The following SAXO1 variants were observed in gnomAD, a reference collection of about 807,000 sequenced individuals.
The protein encoded by SAXO1 is stabilizer of axonemal microtubules 1.
Under a neutral mutation model 17.5 loss-of-function variants are expected in SAXO1, and 21 were observed. That is an observed-to-expected ratio of 1.20 (90% CI 0.85 to 1.72). SAXO1 has a LOEUF of 1.72. Ranked by LOEUF, SAXO1 falls within the 40% of genes most tolerant of loss-of-function variation. SAXO1 has a pLI of 0.00. For synonymous variants in SAXO1, 274 were observed against 216.5 expected (o/e 1.27, Z -2.33); for missense variants, 843 against 596.0 (o/e 1.41, Z -4.32).
chr9:19,028,154 G>A (rs1000919262), intron 1 of SAXO1: 64 of 1,515,414 alleles, frequency 4.2e-5, no homozygotes, highest in African/African-American at 1.1e-4. Flanking sequence ...GGCCAGCCCC[G>A]GACTCGCGGC....
chr9:18,961,053 T>G (rs1284331209), intron 1 of SAXO1, among the ~76,000 whole-genome samples: 3 of 152,184 alleles, frequency 2.0e-5, no homozygotes, highest in Admixed American at 6.5e-5. Context: ...GTTCATTAAA[T>G]GCTAAGTTTC....
intron 2 of SAXO1, among the ~76,000 whole-genome samples, chr9:18,946,685 G>C (rs965564629): frequency 1.3e-5 from 2 of 151,854 alleles, no homozygotes; most frequent in Non-Finnish European, 2.9e-5. Context: ...ACTCCAAGCA[G>C]ACCAGACATT....
rs894175909 is a variant in SAXO1 at position 18,991,423 on chromosome 9, G to T, written c.39-40486C>A. ...GAGTTCATGTCCTTTGCAGGGACAT[G>T]GATGAAGCTGGAAACCATCATTCTG... On this transcript the variant is annotated intron_variant, in intron 1 of 3. Coordinates refer to ENST00000380534, the MANE Select transcript of SAXO1 (RefSeq NM_153707.4). Among the ~76,000 whole-genome samples, 4 of 152,272 alleles carry T rather than the reference G, an allele frequency of 2.6e-5. No individual in the cohort carries two copies. In the South Asian group the frequency reaches 6.2e-4, roughly 24 times the overall value.
intron 1 of SAXO1, among the ~76,000 whole-genome samples, chr9:18,968,948 T>C (rs1233966360): frequency 1.3e-5 from 2 of 152,110 alleles, no homozygotes; most frequent in African/African-American, 4.8e-5. Context: ...GTAAAAAACA[T>C]GGCTGGCTGG....
Position 18,962,296 on chromosome 9 carries a change from G to A in SAXO1, c.39-11359C>T, listed in dbSNP as rs568602422. 8.5e-5 allele frequency among the ~76,000 whole-genome samples: 13 copies of A among 152,200 alleles called. No individual in the cohort carries two copies. In the East Asian group the frequency reaches 9.7e-4, roughly 11 times the overall value. ...TTGATCAGGCTAGTCTTGAACTCCC[G>A]AACTCAGATGATCTGCCCGCCTTGG... On this transcript the variant is annotated intron_variant, in intron 1 of 3. Coordinates refer to ENST00000380534, the MANE Select transcript of SAXO1 (RefSeq NM_153707.4).
At chr9:19,007,947 A>C (rs1264098369) in intron 1 of SAXO1, among the ~76,000 whole-genome samples, 1 of 151,724 alleles carries the variant, frequency 6.6e-6, no homozygotes, top group Non-Finnish European at 1.5e-5. Flanking sequence ...TACAGTCTGC[A>C]AGTCCTCAAA....
upstream of SAXO1, among the ~76,000 whole-genome samples, chr9:19,035,626 G>A (rs1205165628): frequency 6.6e-6 from 1 of 152,208 alleles, no homozygotes; most frequent in Non-Finnish European, 1.5e-5. Context: ...AGAAAATTTG[G>A]AACTTCCTAG....
At chr9:18,949,723 C>T (rs1831950862) in intron 2 of SAXO1, among the ~76,000 whole-genome samples, 1 of 152,154 alleles carries the variant, frequency 6.6e-6, no homozygotes, top group Non-Finnish European at 1.5e-5. Context: ...AACCTGAAGG[C>T]AGAATGAATT....
At chr9:19,024,499 C>T (rs1029303309) in intron 1 of SAXO1, among the ~76,000 whole-genome samples, 1 of 151,864 alleles carries the variant, frequency 6.6e-6, no homozygotes, top group African/African-American at 2.4e-5. Context: ...TGCTAAATGA[C>T]GAGTTAATGG....
In SAXO1 at chr9:18,950,826, T is replaced by G; in HGVS notation, c.150A>C (p.Arg50Ser). 6.2e-7 allele frequency: 1 copy of G among 1,613,860 alleles called. No homozygotes were observed. Among genetic ancestry groups the G allele is most frequent in the Non-Finnish European group, 8.5e-7 (1 of 1,179,776 alleles). Residue 50 changes from arginine (R) to serine (S), a missense_variant, in exon 2 of 4, where the codon AGA becomes AGC. Coordinates refer to ENST00000380534, the MANE Select transcript of SAXO1 (RefSeq NM_153707.4). ...NYPFYHSYLPRESFKPRREYQ... is the reference protein window; with the variant it reads ...NYPFYHSYLPSESFKPRREYQ... ...ACTCCCGCCTTGGCTTGAAGGACTC[T>G]CTGGGCAGGTAGGAGTGATAGAAAG...
chr9:18,991,648 T>C (rs1833819168), intron 1 of SAXO1, among the ~76,000 whole-genome samples: 1 of 152,158 alleles, frequency 6.6e-6, no homozygotes, highest in Admixed American at 6.5e-5. Context: ...CAAACCAACA[T>C]GGCACATGTA....
rs117380884 is a variant in SAXO1 at position 19,044,202 on chromosome 9, C to T, written c.-158+5007G>A. Reference sequence around the variant, plus strand: ...ATAAATGCTTGAGGGGATGCATACCCCATTTACCATGATGTGATTATTATG... The same window carrying T: ...ATAAATGCTTGAGGGGATGCATACCTCATTTACCATGATGTGATTATTATG... On this transcript the variant is annotated intron_variant, in intron 1 of 3. Coordinates refer to the SAXO1 transcript ENST00000542071. 2.7e-3 allele frequency among the ~76,000 whole-genome samples: 407 copies of T among 152,098 alleles called. 1 individual carries two copies. The highest frequency in any genetic ancestry group is 4.9e-3 in the Non-Finnish European group (331 of 67,988).
chr9:19,015,262 C>A (rs1174296326), intron 1 of SAXO1, among the ~76,000 whole-genome samples: 4 of 152,214 alleles, frequency 2.6e-5, no homozygotes, highest in African/African-American at 9.6e-5. Flanking sequence ...AGCTCCTGGG[C>A]TCCAGCAATC....
chr9:18,949,912 G>A (rs1314051260), intron 2 of SAXO1, among the ~76,000 whole-genome samples: 1 of 152,218 alleles, frequency 6.6e-6, no homozygotes, highest in Non-Finnish European at 1.5e-5. Flanking sequence ...CTTTAGGGAT[G>A]AGGAACCGGG....
At chr9:19,039,975 C>T (rs962189449) in intron 1 of SAXO1, among the ~76,000 whole-genome samples, 4 of 152,146 alleles carry the variant, frequency 2.6e-5, no homozygotes, top group Non-Finnish European at 2.9e-5. Flanking sequence ...GTGATCTGCC[C>T]GCCTCGGCCT....
chr9:18,989,112 T>C (rs1833704312), intron 1 of SAXO1, among the ~76,000 whole-genome samples: 1 of 152,186 alleles, frequency 6.6e-6, no homozygotes, highest in Non-Finnish European at 1.5e-5. Context: ...ATCACTCCTA[T>C]CATCTATCAT....
chr9:19,018,506 T>A (rs1432906624), intron 1 of SAXO1, among the ~76,000 whole-genome samples: 3 of 152,174 alleles, frequency 2.0e-5, no homozygotes, highest in Admixed American at 6.5e-5. Context: ...ATGGAACGTG[T>A]TTCAAAAGTC....
chr9:18,963,303 A>C (rs944924401), intron 1 of SAXO1, among the ~76,000 whole-genome samples: 3 of 152,196 alleles, frequency 2.0e-5, no homozygotes, highest in African/African-American at 7.2e-5. Context: ...TTTTGGTTCC[A>C]TAAGAAATTT....
intron 1 of SAXO1, among the ~76,000 whole-genome samples, chr9:19,015,931 C>G (rs781106726): frequency 6.6e-6 from 1 of 152,148 alleles, no homozygotes; most frequent in Non-Finnish European, 1.5e-5. Flanking sequence ...CTCAGACCCA[C>G]AGAATTAAAG....
Sources: gnomAD v4.1 joint callset for allele counts (sites outside exome capture counted in the v4.1 genomes callset) on GRCh38, gnomAD v4.1.1 for gene constraint, MANE v1.5 for transcripts, NCBI Gene and HGNC (gene_info 2026-07-23, HGNC 2026-07-21) for gene names.